TMC1: variants seen among roughly 807,000 people sequenced by gnomAD.
TMC1 encodes transmembrane channel like 1.
A neutral mutation model predicts 105.8 loss-of-function variants in TMC1; 84 were observed. The ratio of observed to expected loss-of-function variants is 0.79; its 90% confidence interval spans 0.67 to 0.95. The LOEUF (loss-of-function observed/expected upper bound fraction) is 0.95, where lower values mean the gene tolerates loss of function less well. TMC1 is among the 40% of genes least tolerant of loss of function. TMC1 has a pLI of 0.00. For synonymous variants in TMC1, 315 were observed against 311.5 expected (o/e 1.01, Z -0.12); for missense variants, 817 against 914.1 (o/e 0.89, Z 1.37).
chr9:72,760,710 T>C, intron 12 of TMC1, among the ~76,000 whole-genome samples: 1 of 152,078 alleles, frequency 6.6e-6, no homozygotes, highest in Admixed American at 6.5e-5. Context: ...CAGAATAGAT[T>C]TAAGATCTGC....
At position 72,749,936 on chromosome 9, in the gene TMC1, G is replaced by A. The variant is rs541490718; in HGVS notation, c.536-1914G>A. Among the ~76,000 whole-genome samples, 4 of 152,086 alleles carry A rather than the reference G, an allele frequency of 2.6e-5. No homozygotes were observed. The South Asian group carries it at 8.3e-4, about 32-fold the overall frequency. ...AGCCTGGCCAACATGGTGAAACCCT[G>A]TTTCCACTAAAATTACAAAAATTAG... On this transcript the variant is annotated intron_variant, in intron 10 of 23. Coordinates refer to ENST00000297784, the MANE Select transcript of TMC1 (RefSeq NM_138691.3).
chr9:72,776,441 A>G (rs908718813), intron 13 of TMC1, among the ~76,000 whole-genome samples: 3 of 152,170 alleles, frequency 2.0e-5, no homozygotes, highest in Admixed American at 2.0e-4. Flanking sequence ...TTTAAATTAC[A>G]TTACTTCTAA....
intron 1 of TMC1, among the ~76,000 whole-genome samples, chr9:72,527,012 G>A (rs1450780701): frequency 6.6e-6 from 1 of 152,200 alleles, no homozygotes; most frequent in African/African-American, 2.4e-5. Context: ...GGTACCAGAC[G>A]CATGGTCTAG....
intron 2 of TMC1, among the ~76,000 whole-genome samples, chr9:72,584,581 T>C (rs759973671): frequency 2.6e-5 from 4 of 151,854 alleles, no homozygotes; most frequent in Non-Finnish European, 5.9e-5. Flanking sequence ...GTCATCAAAT[T>C]GAAGTGAGAA....
At chr9:72,578,265 C>CGT (rs67476636) in intron 2 of TMC1, 7,905 of 147,698 alleles carry the variant, frequency 0.054, 226 homozygotes, top group East Asian at 0.076. Context: ...CGCGCGCACG[C>CGT]GTGTGTGTGT....
chr9:72,581,693 T>C (rs1824477801), intron 2 of TMC1, among the ~76,000 whole-genome samples: 1 of 152,244 alleles, frequency 6.6e-6, no homozygotes, highest in Non-Finnish European at 1.5e-5. Flanking sequence ...CTCCACTGTT[T>C]TTCCTGAGTA....
chr9:72,654,251 C>T (rs1825853372), intron 5 of TMC1, among the ~76,000 whole-genome samples: 1 of 152,136 alleles, frequency 6.6e-6, no homozygotes, highest in African/African-American at 2.4e-5. Flanking sequence ...CCAGTTGATC[C>T]TCATCCTCAT....
At chr9:72,678,896 CTAA>C (rs1213326125) in intron 5 of TMC1, among the ~76,000 whole-genome samples, 4 of 151,974 alleles carry the variant, frequency 2.6e-5, no homozygotes, top group African/African-American at 4.8e-5. Flanking sequence ...TTTCTTTATT[CTAA>C]TAATGTTACC....
chr9:72,527,550 A>G (rs1823426440), intron 1 of TMC1, among the ~76,000 whole-genome samples: 1 of 152,074 alleles, frequency 6.6e-6, no homozygotes, highest in Admixed American at 6.6e-5. Flanking sequence ...TGCCCTCCCC[A>G]GACCCCAGTG....
intron 2 of TMC1, among the ~76,000 whole-genome samples, chr9:72,585,152 C>CT (rs1274611916): frequency 0.012 from 1,568 of 126,062 alleles, 22 homozygotes; most frequent in Non-Finnish European, 0.016. Flanking sequence ...GGTGCCATGT[C>CT]TTTTTTTTTT....
rs749124252 is a variant in TMC1, at chr9:72,645,621, G to A, written c.-52-2976G>A. ...AAAGTCAAAGCGTTAGCAGAAAAAC[G>A]TCTGGCAAAGCCTCACCACAGAGTC... On this transcript the variant is annotated intron_variant, in intron 4 of 23. Transcript: ENST00000297784. Among the ~76,000 whole-genome samples the A allele has an allele frequency of 2.6e-5, 4 of 152,252 alleles. 1 individual carries two copies. Among genetic ancestry groups the A allele is most frequent in the East Asian group, 3.9e-4 (2 of 5,182 alleles).
intron 1 of TMC1, among the ~76,000 whole-genome samples, chr9:72,529,326 C>T (rs1823458653): frequency 6.6e-6 from 1 of 152,066 alleles, no homozygotes; most frequent in Non-Finnish European, 1.5e-5. Context: ...GTGGCGGGCA[C>T]TTGTAGTCCT....
intron 1 of TMC1, among the ~76,000 whole-genome samples, chr9:72,548,133 A>G (rs1181473483): frequency 1.3e-5 from 2 of 152,232 alleles, no homozygotes; most frequent in Non-Finnish European, 2.9e-5. Context: ...GTACACAAAC[A>G]TTCAATCCAT....
intron 11 of TMC1, 27 bp from the exon 12 acceptor site, chr9:72,754,759 C>T: frequency 6.5e-7 from 1 of 1,544,880 alleles, no homozygotes; most frequent in African/African-American, 1.4e-5. Flanking sequence ...TCTAATTGTT[C>T]ACTGCTTTCT....
At chr9:72,810,388 AT>A (rs1828682082) in intron 18 of TMC1, among the ~76,000 whole-genome samples, 3 of 152,080 alleles carry the variant, frequency 2.0e-5, no homozygotes, top group African/African-American at 4.8e-5. Flanking sequence ...AAAGCACATG[AT>A]TTTTTTCTTC....
chr9:72,821,868 G>T (rs376384307), intron 20 of TMC1, among the ~76,000 whole-genome samples: 1 of 152,300 alleles, frequency 6.6e-6, no homozygotes, highest in East Asian at 1.9e-4. Context: ...CTAGGAAAGA[G>T]AATTATTACT....
At chr9:72,827,704 C>T (rs1588104557) in intron 21 of TMC1, among the ~76,000 whole-genome samples, 1 of 152,308 alleles carries the variant, frequency 6.6e-6, no homozygotes, top group South Asian at 2.1e-4. Context: ...GTGGAAGAGC[C>T]AAAAGCAGCG....
intron 8 of TMC1, among the ~76,000 whole-genome samples, chr9:72,737,298 G>T (rs994141636): frequency 3.9e-5 from 6 of 152,172 alleles, no homozygotes; most frequent in African/African-American, 1.4e-4. Flanking sequence ...TTAGAACAAG[G>T]TCACGGTTTC....
intron 1 of TMC1, among the ~76,000 whole-genome samples, chr9:72,558,405 C>T (rs1270271806): frequency 6.6e-6 from 1 of 152,138 alleles, no homozygotes; most frequent in Non-Finnish European, 1.5e-5. Flanking sequence ...ATTTCAATTA[C>T]ATTGTTTTTG....
Sources: allele counts gnomAD v4.1 joint callset (sites outside exome capture counted in the v4.1 genomes callset), GRCh38; gene constraint gnomAD v4.1.1; transcripts MANE v1.5; gene names NCBI Gene and HGNC (gene_info 2026-07-23, HGNC 2026-07-21).